The following NXPE3 variants were observed in gnomAD, a reference collection of about 807,000 sequenced individuals.
NXPE3 encodes NXPE family member 3.
Under a neutral mutation model 46.1 loss-of-function variants are expected in NXPE3, and 26 were observed. The observed-to-expected ratio is 0.56, with a 90% CI of 0.41 to 0.78. NXPE3 has a LOEUF of 0.78. Among genes scored for constraint, NXPE3 ranks in the 30% least tolerant of loss-of-function variants. NXPE3 has a pLI of 0.00. For missense variants in NXPE3, 620 were observed against 686.0 expected, an observed-to-expected ratio of 0.90 and a Z score of 1.07; for synonymous variants, 272 against 257.9, an observed-to-expected ratio of 1.05 and a Z score of -0.52.
intron 4 of NXPE3, among the ~76,000 whole-genome samples, chr3:101,799,861 T>A (rs754416537): frequency 7.2e-5 from 11 of 152,224 alleles, no homozygotes; most frequent in Non-Finnish European, 1.2e-4. Context: ...ATAGAATTGT[T>A]CATAATATTC....
At chr3:101,808,129 T>C (rs950501842) in intron 6 of NXPE3, among the ~76,000 whole-genome samples, 1 of 152,212 alleles carries the variant, frequency 6.6e-6, no homozygotes, top group African/African-American at 2.4e-5. Flanking sequence ...CTGGTGGGGC[T>C]GAGCAAGAAA....
At chr3:101,780,121 T>A (rs1384986996) in intron 1 of NXPE3, among the ~76,000 whole-genome samples, 5 of 152,346 alleles carry the variant, frequency 3.3e-5, no homozygotes, top group African/African-American at 1.2e-4. Flanking sequence ...AGAATCACAC[T>A]GCTTTGGTGG....
intron 6 of NXPE3, among the ~76,000 whole-genome samples, chr3:101,815,137 A>G (rs1941914596): frequency 6.6e-6 from 1 of 152,198 alleles, no homozygotes; most frequent in Non-Finnish European, 1.5e-5. Context: ...GGGCAGAAGG[A>G]TGTTGACTTT....
At chr3:101,789,284 C>T (rs1940366790) in intron 4 of NXPE3, among the ~76,000 whole-genome samples, 1 of 152,148 alleles carries the variant, frequency 6.6e-6, no homozygotes, top group Non-Finnish European at 1.5e-5. Context: ...TGGCTTAGGC[C>T]TGTAATCCCA....
intron 4 of NXPE3, among the ~76,000 whole-genome samples, chr3:101,798,101 T>C (rs906847584): frequency 6.8e-6 from 1 of 146,510 alleles, no homozygotes. Context: ...TTCCTGACTT[T>C]TTAATGATTG....
Position 101,801,531 on chromosome 3 carries a change from G to A in NXPE3, c.390G>A (p.Gln130=). The A allele has an allele frequency of 6.2e-7, 1 of 1,614,176 alleles. No individual in the cohort carries two copies. The highest frequency in any genetic ancestry group is 8.5e-7 in the Non-Finnish European group (1 of 1,180,048). ...AGCTTGAGGTGCTGGTTCATGTGCA[G>A]GATTTTCAAAGAAAGCCCAAGAAGT... is the stretch of plus-strand genomic sequence containing the variant. ...GSQLEVLVHV[Q]DFQRKPKKYG... The change falls in exon 5 of 8, where the codon CAG becomes CAA. Residue 130 remains glutamine, a synonymous_variant. Coordinates refer to ENST00000273347, the MANE Select transcript of NXPE3 (RefSeq NM_145037.4).
intron 1 of NXPE3, among the ~76,000 whole-genome samples, chr3:101,780,830 G>A (rs1420748111): frequency 2.0e-5 from 3 of 152,224 alleles, no homozygotes; most frequent in African/African-American, 7.2e-5. Flanking sequence ...AAGGGCAAGG[G>A]AAGGTCCAGA....
chr3:101,783,388 T>C (rs753171725), intron 3 of NXPE3, among the ~76,000 whole-genome samples: 1 of 152,228 alleles, frequency 6.6e-6, no homozygotes, highest in Non-Finnish European at 1.5e-5. Context: ...AAGAGAGGTC[T>C]GTCTAGTGTG....
In NXPE3 at chr3:101,821,721, A is replaced by G. The variant is rs747915827; in HGVS notation, c.1447A>G (p.Thr483Ala). 2 of 1,614,204 alleles carry G rather than the reference A, an allele frequency of 1.2e-6. No individual in the cohort carries two copies. The highest frequency in any genetic ancestry group is 1.7e-6 in the Non-Finnish European group (2 of 1,180,026). ...CCCAAAGACCGTGGTGGTCATCCGGACGGCCAACGCCCAAGAGCTGGGACC... is the reference window on the plus strand; with the variant it reads ...CCCAAAGACCGTGGTGGTCATCCGGGCGGCCAACGCCCAAGAGCTGGGACC... ...RSPKTVVVIR[T>A]ANAQELGPEV... Residue 483 changes from threonine (T) to alanine (A), a missense_variant, in exon 8 of 8, where the codon ACG becomes GCG. By Grantham distance (58) the Thr-to-Ala change is moderately conservative. This residue lies in a region of NXPE3 where 75 missense variants were observed against 121.1 expected (regional missense o/e 0.62). Coordinates refer to ENST00000273347, the MANE Select transcript of NXPE3 (RefSeq NM_145037.4).
chr3:101,808,833 A>ATATATATG (rs1560057666), intron 6 of NXPE3, among the ~76,000 whole-genome samples: 1 of 108,428 alleles, frequency 9.2e-6, no homozygotes, highest in Non-Finnish European at 1.9e-5. Context: ...ATATATATAT[A>ATATATATG]TATATATATA....
At chr3:101,807,330 A>AT (rs754742731) in intron 6 of NXPE3, among the ~76,000 whole-genome samples, 72 of 151,902 alleles carry the variant, frequency 4.7e-4, no homozygotes, top group Non-Finnish European at 4.1e-4. Context: ...TTTTATTTTT[A>AT]TTTTTTTGAG....
Position 101,822,192 on chromosome 3 carries a change from C to T in NXPE3, c.*238C>T. On this transcript the variant is annotated 3_prime_UTR_variant, in exon 8 of 8. Coordinates refer to ENST00000273347, the MANE Select transcript of NXPE3 (RefSeq NM_145037.4). ...GGTAGAACTCTTAACTGCATCTACA[C>T]ACTATATTGCTCTTGTAACCAAAGA... is the stretch of plus-strand genomic sequence containing the variant. The T allele has an allele frequency of 2.0e-6, 1 of 495,356 alleles. No homozygotes were observed. The highest frequency in any genetic ancestry group is 3.4e-5 in the Admixed American group (1 of 29,774). 30.7% of individuals were successfully genotyped at this position (495,356 alleles called of 1,614,324 possible).
intron 1 of NXPE3, among the ~76,000 whole-genome samples, chr3:101,781,189 T>C (rs1385327142): frequency 1.3e-5 from 2 of 152,250 alleles, no homozygotes; most frequent in Non-Finnish European, 2.9e-5. Context: ...TTGCTGTGAC[T>C]AGTACAGTTA....
intron 7 of NXPE3, 34 bp from the exon 8 acceptor site, chr3:101,821,370 A>G: frequency 6.3e-7 from 1 of 1,587,132 alleles, no homozygotes; most frequent in Non-Finnish European, 8.6e-7. Context: ...CTTGGTTTGA[A>G]GGTTTTTATG....
intron 4 of NXPE3, among the ~76,000 whole-genome samples, chr3:101,800,898 G>C (rs1409266939): frequency 1.3e-5 from 2 of 151,924 alleles, no homozygotes; most frequent in Non-Finnish European, 1.5e-5. Context: ...TCTTAGGTTG[G>C]ACTGGGTGGC....
At position 101,821,758 on chromosome 3, in the gene NXPE3, T is replaced by G; in HGVS notation, c.1484T>G (p.Leu495Arg). Residue 495 changes from leucine to arginine, a missense_variant, in exon 8 of 8, where the codon CTT becomes CGT. Physicochemically the swap from Leu to Arg is moderately radical, Grantham distance 102. Around this residue, in one of 3 missense-constraint regions of NXPE3, gnomAD observed 75 missense variants for 121.1 expected, o/e 0.62. Coordinates refer to ENST00000273347, the MANE Select transcript of NXPE3 (RefSeq NM_145037.4). ...NAQELGPEVS[L>R]FNSDWYNFQL... ...CAAGAGCTGGGACCTGAGGTGAGCC[T>G]TTTCAACAGCGACTGGTACAACTTT... 1 of 1,614,150 alleles carries G rather than the reference T, an allele frequency of 6.2e-7. No homozygotes were observed. Among genetic ancestry groups the G allele is most frequent in the Non-Finnish European group, 8.5e-7 (1 of 1,180,004 alleles).
At chr3:101,795,946 C>G (rs930904166) in intron 4 of NXPE3, among the ~76,000 whole-genome samples, 1 of 152,186 alleles carries the variant, frequency 6.6e-6, no homozygotes, top group African/African-American at 2.4e-5. Flanking sequence ...ACATGCCCAC[C>G]TGAAGAAACA....
rs573810324 is a variant in NXPE3, at chr3:101,803,199, T to C, written c.848+1210T>C. ...TGGGCACCCTAAAAATTTCATACTT[T>C]ATGTCCACTCATTACCGTATGGGAG... On this transcript the variant is annotated intron_variant, in intron 5 of 7. Coordinates refer to ENST00000273347, the MANE Select transcript of NXPE3 (RefSeq NM_145037.4). Among the ~76,000 whole-genome samples the C allele has an allele frequency of 1.7e-4, 26 of 152,340 alleles. No homozygotes were observed. The South Asian group carries it at 2.3e-3, about 13-fold the overall frequency.
At chr3:101,797,567 C>T (rs2107283332) in intron 4 of NXPE3, among the ~76,000 whole-genome samples, 1 of 107,316 alleles carries the variant, frequency 9.3e-6, no homozygotes, top group South Asian at 4.0e-4. Context: ...AATGCTATCC[C>T]TCCCCCCTCC....
Sources: gnomAD v4.1 joint callset for allele counts (sites outside exome capture counted in the v4.1 genomes callset) on GRCh38, gnomAD v4.1.1 for gene constraint, gnomAD v4.1.1 regional missense constraint, MANE v1.5 for transcripts, NCBI Gene and HGNC (gene_info 2026-07-23, HGNC 2026-07-21) for gene names.